ATP2C2: variants seen among roughly 807,000 people sequenced by gnomAD.
ATP2C2 encodes ATPase secretory pathway Ca2+ transporting 2, also known as calcium-transporting ATPase type 2C member 2.
Under a neutral mutation model 110.8 loss-of-function variants are expected in ATP2C2, and 171 were observed. The ratio of observed to expected loss-of-function variants is 1.54; its 90% CI spans 1.36 to 1.75. The LOEUF is 1.75. Among genes scored for constraint, ATP2C2 ranks in the 40% most tolerant of loss-of-function variants. The pLI, the probability that ATP2C2 is intolerant of heterozygous loss-of-function variation, is 0.00. For missense variants in ATP2C2, 1,963 were observed against 1,235.0 expected, an observed-to-expected ratio of 1.59 and a Z score of -8.84; for synonymous variants, 804 against 508.4, an observed-to-expected ratio of 1.58 and a Z score of -7.82.
chr16:84,388,003 G>C (rs1322508879), intron 1 of ATP2C2, among the ~76,000 whole-genome samples: 2 of 151,794 alleles, frequency 1.3e-5, no homozygotes, highest in Admixed American at 6.6e-5. Flanking sequence ...TCTCGGGTGA[G>C]CCCACAGCAG....
At chr16:84,424,161 A>G (rs1041009090) in intron 10 of ATP2C2, among the ~76,000 whole-genome samples, 1 of 152,250 alleles carries the variant, frequency 6.6e-6, no homozygotes, top group African/African-American at 2.4e-5. Context: ...AGTGTAGCCA[A>G]AACTGCGAAG....
intron 1 of ATP2C2, among the ~76,000 whole-genome samples, chr16:84,387,896 G>C (rs1904409828): frequency 6.6e-6 from 1 of 151,450 alleles, no homozygotes; most frequent in African/African-American, 2.4e-5. Context: ...AGGCCAGCCA[G>C]CCTGGGTGAC....
rs1911631013 is a variant in ATP2C2, at chr16:84,463,699, C to T, written c.2808C>T (p.Pro936=). 6.8e-6 allele frequency: 11 copies of T among 1,614,010 alleles called. No homozygotes were observed. The highest frequency in any genetic ancestry group is 4.0e-5 in the African/African-American group (3 of 74,930). ...LKLCEKYCCS[P]KRVQMHPEDV is the part of the protein sequence containing the mutation. ...TATGTGAAAAATACTGTTGCAGCCC[C>T]AAGAGAGTCCAGATGCACCCTGAAG... The change falls in exon 27 of 27, where the codon CCC becomes CCT. Residue 936 remains proline (P), a synonymous_variant. Transcript: ENST00000262429.
chr16:84,447,408 C>T (rs941137912), intron 16 of ATP2C2, among the ~76,000 whole-genome samples: 2 of 151,474 alleles, frequency 1.3e-5, no homozygotes, highest in African/African-American at 4.9e-5. Context: ...AAGCTTCTTT[C>T]ATTCCACCCT....
At chr16:84,454,154 T>A (rs964231180) in intron 20 of ATP2C2, among the ~76,000 whole-genome samples, 2 of 126,062 alleles carry the variant, frequency 1.6e-5, no homozygotes, top group Admixed American at 1.6e-4. Flanking sequence ...CGTGCCTCCG[T>A]TTCCTCATCT....
chr16:84,399,371 A>T (rs1219913456), intron 2 of ATP2C2, among the ~76,000 whole-genome samples: 1 of 152,200 alleles, frequency 6.6e-6, no homozygotes, highest in Non-Finnish European at 1.5e-5. Flanking sequence ...TAGCTAGAAA[A>T]TGAGCTAGAT....
At chr16:84,429,539 A>C (rs11641428) in intron 11 of ATP2C2, among the ~76,000 whole-genome samples, 54,623 of 151,974 alleles carry the variant, frequency 0.36, 9,999 homozygotes, top group South Asian at 0.4. Flanking sequence ...ACTTTCATTG[A>C]ATCCCTTTCA....
intron 26 of ATP2C2, 48 bp from the exon 27 acceptor site, chr16:84,463,566 A>T: frequency 6.5e-7 from 1 of 1,535,560 alleles, no homozygotes. Flanking sequence ...TGCCGGCGCA[A>T]CAGAGCTGCA....
chr16:84,417,301 T>C (rs927723812), intron 7 of ATP2C2, among the ~76,000 whole-genome samples: 5 of 152,096 alleles, frequency 3.3e-5, no homozygotes, highest in African/African-American at 1.2e-4. Context: ...CCAGGCCCCA[T>C]AGCTCCTAGG....
rs7187624 is a variant in ATP2C2 at position 84,459,378 on chromosome 16, G to C, written c.2325G>C (p.Pro775=). The C allele has an allele frequency of 3.8e-5, 61 of 1,614,044 alleles. 1 individual carries two copies. In the East Asian group the frequency reaches 1.3e-3, roughly 35 times the overall value. Residue 775 remains proline (P), a synonymous_variant, in exon 23 of 27, where the codon CCG becomes CCC. Coordinates refer to ENST00000262429, the MANE Select transcript of ATP2C2 (RefSeq NM_014861.4). ...TCAACATCATCATGGATGGGCCACC[G>C]GCGCAGAGGTGAGGCAGGGCCGGCT... ...LWINIIMDGP[P]AQSLGVEPVD...
At chr16:84,454,632 A>C (rs72806641) in intron 20 of ATP2C2, among the ~76,000 whole-genome samples, 186 bp from the exon 21 acceptor site, 15,338 of 152,240 alleles carry the variant, frequency 0.1, 1,001 homozygotes, top group Non-Finnish European at 0.14. Flanking sequence ...CTTTGCAGAT[A>C]GGGAAACTGA....
intron 13 of ATP2C2, among the ~76,000 whole-genome samples, chr16:84,440,610 C>T (rs765581610): frequency 2.6e-5 from 4 of 152,222 alleles, no homozygotes; most frequent in African/African-American, 4.8e-5. Context: ...TCTTAACCAT[C>T]ACTTGTACTG....
At chr16:84,410,916 G>A (rs1490613084) in intron 6 of ATP2C2, 151 bp downstream of exon 6, 2 of 731,460 alleles carry the variant, frequency 2.7e-6, no homozygotes, top group Non-Finnish European at 4.6e-6. Context: ...GTCTCCGCCT[G>A]CCAATAGGTC....
At chr16:84,412,505 T>G (rs1906451361) in intron 6 of ATP2C2, among the ~76,000 whole-genome samples, 2 of 124,084 alleles carry the variant, frequency 1.6e-5, no homozygotes, top group African/African-American at 3.1e-5. Context: ...TGTGTATATG[T>G]GTCTGTGTGT....
At chr16:84,428,929 C>G (rs1464692771) in intron 11 of ATP2C2, among the ~76,000 whole-genome samples, 1 of 152,140 alleles carries the variant, frequency 6.6e-6, no homozygotes. Flanking sequence ...TGCAGTGGTG[C>G]TGTACAGGTG....
intron 1 of ATP2C2, among the ~76,000 whole-genome samples, chr16:84,373,729 A>T (rs919231721): frequency 6.6e-6 from 1 of 152,286 alleles, no homozygotes; most frequent in African/African-American, 2.4e-5. Flanking sequence ...ATTTCCTTCA[A>T]TGACGTCATT....
At chr16:84,405,387 G>A (rs1161739405) in intron 3 of ATP2C2, 143 bp downstream of exon 3, 2 of 698,938 alleles carry the variant, frequency 2.9e-6, no homozygotes, top group South Asian at 1.9e-5. Flanking sequence ...CTGAGCATCA[G>A]TCATGAGCAA....
intron 1 of ATP2C2, among the ~76,000 whole-genome samples, chr16:84,391,113 CAAAAAAAAAAAA>C (rs567509863): frequency 4.1e-5 from 3 of 73,290 alleles, no homozygotes; most frequent in Admixed American, 1.7e-4. Flanking sequence ...GACTCAGACT[CAAAAAAAAAAAA>C]AAAAAAAAAG....
At position 84,453,349 on chromosome 16, in the gene ATP2C2, A is replaced by C; in HGVS notation, c.1958A>C (p.Lys653Thr). 1 of 1,614,164 alleles carries C rather than the reference A, an allele frequency of 6.2e-7. No individual in the cohort carries two copies. The highest frequency in any genetic ancestry group is 8.5e-7 in the Non-Finnish European group (1 of 1,180,018). ...TCCGTGTTCTTCAGGACCAGCCCAA[A>C]GCACAAGCTCAAAATCATCAAGGTT... ...KVSVFFRTSP[K>T]HKLKIIKALQ... is the part of the protein sequence containing the mutation. Residue 653 changes from lysine to threonine, a missense_variant, in exon 20 of 27, where the codon AAG becomes ACG. Coordinates refer to ENST00000262429, the MANE Select transcript of ATP2C2 (RefSeq NM_014861.4).
Sources: gnomAD v4.1 joint callset for allele counts (sites outside exome capture counted in the v4.1 genomes callset) on GRCh38, gnomAD v4.1.1 for gene constraint, MANE v1.5 for transcripts, NCBI Gene and HGNC (gene_info 2026-07-23, HGNC 2026-07-21) for gene names.